ZNF407: variants seen among roughly 807,000 people sequenced by gnomAD.
ZNF407 encodes zinc finger protein 407.
A neutral mutation model predicts 131.2 loss-of-function variants in ZNF407; 17 were observed. The observed-to-expected ratio is 0.13, with a 90% CI of 0.09 to 0.19. The LOEUF is 0.19. Ranked by LOEUF, ZNF407 falls within the 10% of genes least tolerant of loss-of-function variation. The pLI, the probability that ZNF407 is intolerant of heterozygous loss-of-function variation, is 1.00. For missense variants in ZNF407, 2,681 were observed against 2,830.6 expected, an observed-to-expected ratio of 0.95 and a Z score of 1.20; for synonymous variants, 1,156 against 1,062.0, an observed-to-expected ratio of 1.09 and a Z score of -1.72.
chr18:74,747,827 T>C (rs1968705682), intron 3 of ZNF407, among the ~76,000 whole-genome samples: 1 of 152,152 alleles, frequency 6.6e-6, no homozygotes, highest in African/African-American at 2.4e-5. Context: ...AACCATGCAA[T>C]GTATAACACA....
At chr18:74,610,310 C>G (rs910169768) in intron 1 of ZNF407, among the ~76,000 whole-genome samples, 1 of 152,108 alleles carries the variant, frequency 6.6e-6, no homozygotes, top group African/African-American at 2.4e-5. Context: ...TTAACCATCC[C>G]CCATTGTTGG....
intron 8 of ZNF407, among the ~76,000 whole-genome samples, chr18:75,049,851 G>A (rs1973479387): frequency 6.6e-6 from 1 of 152,148 alleles, no homozygotes; most frequent in African/African-American, 2.4e-5. Flanking sequence ...GCTTCAACAT[G>A]ACACCCTAAG....
chr18:75,051,727 T>C (rs773430303), intron 8 of ZNF407, among the ~76,000 whole-genome samples: 4 of 152,232 alleles, frequency 2.6e-5, no homozygotes, highest in Non-Finnish European at 5.9e-5. Flanking sequence ...CAAGTGTTGC[T>C]CAAACATTGT....
chr18:74,955,667 C>T (rs1197421814), intron 8 of ZNF407, among the ~76,000 whole-genome samples: 1 of 152,152 alleles, frequency 6.6e-6, no homozygotes, highest in Non-Finnish European at 1.5e-5. Flanking sequence ...GTTCCAAATA[C>T]CCCAAGTAAC....
At chr18:74,871,100 T>G (rs1210579546) in intron 4 of ZNF407, among the ~76,000 whole-genome samples, 2 of 152,188 alleles carry the variant, frequency 1.3e-5, no homozygotes, top group Non-Finnish European at 1.5e-5. Flanking sequence ...TCTGGTCTTT[T>G]GGGACACTTT....
At position 74,631,009 on chromosome 18, in the gene ZNF407, GCA is replaced by G; in HGVS notation, c.-9_-8del. ...GCCGCCTTAGATAGAAGCATCGTCAGCACTTTATTAATGATGGATAGTGAGAA... is the reference window on the plus strand; with the variant it reads ...GCCGCCTTAGATAGAAGCATCGTCAGCTTTATTAATGATGGATAGTGAGAA... On this transcript the variant is annotated 5_prime_UTR_variant, in exon 2 of 9. Transcript: ENST00000299687. The G allele has an allele frequency of 6.3e-7, 1 of 1,596,162 alleles. No homozygotes were observed.
At chr18:74,771,439 T>C (rs1003843049) in intron 3 of ZNF407, among the ~76,000 whole-genome samples, 2 of 152,146 alleles carry the variant, frequency 1.3e-5, no homozygotes, top group Non-Finnish European at 2.9e-5. Context: ...AAAAATTCTT[T>C]CCTGAAGTCT....
Position 74,963,453 on chromosome 18 carries a change from T to C in ZNF407, c.5428+42761T>C, listed in dbSNP as rs561336079. On this transcript the variant is annotated intron_variant, in intron 8 of 8. Transcript: ENST00000299687. ...CATCATGTTAGTAATCCTTACGCCCTTGTTACCTTTCTTGGTCAAACCCTG... is the reference window on the plus strand; with the variant it reads ...CATCATGTTAGTAATCCTTACGCCCCTGTTACCTTTCTTGGTCAAACCCTG... 2.8e-3 allele frequency among the ~76,000 whole-genome samples: 427 copies of C among 152,330 alleles called. 4 individuals carry two copies. The highest frequency in any genetic ancestry group is 9.4e-3 in the African/African-American group (392 of 41,574).
intron 8 of ZNF407, among the ~76,000 whole-genome samples, chr18:75,045,063 G>A (rs1333525991): frequency 4.0e-5 from 6 of 151,188 alleles, no homozygotes; most frequent in African/African-American, 1.5e-4. Flanking sequence ...TCTGGGTGTG[G>A]GGGGGTGTGG....
chr18:74,847,088 T>G (rs1970713872), intron 4 of ZNF407, among the ~76,000 whole-genome samples: 1 of 152,214 alleles, frequency 6.6e-6, no homozygotes, highest in African/African-American at 2.4e-5. Flanking sequence ...AGAGATGCCT[T>G]TATAGACTCG....
intron 6 of ZNF407, among the ~76,000 whole-genome samples, chr18:74,889,450 AGGT>A (rs1971355570): frequency 6.6e-6 from 1 of 152,134 alleles, no homozygotes; most frequent in South Asian, 2.1e-4. Context: ...ACACTTTTTA[AGGT>A]GGTGCCCATT....
intron 8 of ZNF407, among the ~76,000 whole-genome samples, chr18:74,922,422 C>T (rs767558552): frequency 2.0e-5 from 3 of 152,152 alleles, no homozygotes; most frequent in South Asian, 4.2e-4. Context: ...ACATGAAAAA[C>T]GGATTGTTCC....
intron 4 of ZNF407, among the ~76,000 whole-genome samples, chr18:74,848,425 C>T (rs1308308806): frequency 6.6e-6 from 1 of 152,170 alleles, no homozygotes; most frequent in Non-Finnish European, 1.5e-5. Flanking sequence ...AGTGCTTACA[C>T]TGGGTTGTGA....
chr18:75,056,588 G>A (rs937658817), intron 8 of ZNF407, among the ~76,000 whole-genome samples: 2 of 152,156 alleles, frequency 1.3e-5, no homozygotes, highest in East Asian at 1.9e-4. Context: ...GGAGTCCCCC[G>A]TAATATGTAC....
chr18:74,617,148 T>C (rs1227067091), intron 1 of ZNF407, among the ~76,000 whole-genome samples: 40 of 116,740 alleles, frequency 3.4e-4, no homozygotes, highest in East Asian at 5.8e-4. Context: ...ACCACACACA[T>C]CCATATCCAC....
At chr18:74,869,940 A>G (rs1342342548) in intron 4 of ZNF407, among the ~76,000 whole-genome samples, 1 of 152,214 alleles carries the variant, frequency 6.6e-6, no homozygotes, top group African/African-American at 2.4e-5. Context: ...ATATTGGGGA[A>G]AATTTCAGCT....
intron 3 of ZNF407, among the ~76,000 whole-genome samples, chr18:74,708,810 A>C (rs1462093328): frequency 6.6e-6 from 1 of 152,208 alleles, no homozygotes; most frequent in Non-Finnish European, 1.5e-5. Context: ...GAGTGGAATA[A>C]ATGATTGGCT....
intron 3 of ZNF407, among the ~76,000 whole-genome samples, chr18:74,778,984 G>A (rs8091415): frequency 0.78 from 116,673 of 149,686 alleles, 45,750 homozygotes; most frequent in East Asian, 0.99. Context: ...TGTTAAAACA[G>A]TAATGTTACA....
intron 3 of ZNF407, among the ~76,000 whole-genome samples, chr18:74,732,810 CTTTTTA>C (rs1285828604): frequency 1.3e-5 from 2 of 152,000 alleles, no homozygotes; most frequent in Non-Finnish European, 2.9e-5. Context: ...CTCCAGAGTC[CTTTTTA>C]TTTTTATTTT....
Sources: allele counts gnomAD v4.1 joint callset (sites outside exome capture counted in the v4.1 genomes callset), GRCh38; gene constraint gnomAD v4.1.1; transcripts MANE v1.5; gene names NCBI Gene and HGNC (gene_info 2026-07-23, HGNC 2026-07-21).